Variants in VIRMA observed in about 807,000 individuals in gnomAD.
VIRMA encodes protein virilizer homolog.
VIRMA carries 65 observed loss-of-function variants against 182.4 expected under a neutral mutation model. That is an observed-to-expected ratio of 0.36 (90% CI 0.29 to 0.44). The LOEUF (loss-of-function observed/expected upper bound fraction) is 0.44, where lower values mean the gene tolerates loss of function less well. VIRMA is among the 20% of genes least tolerant of loss of function. The pLI, the probability that VIRMA is intolerant of heterozygous loss-of-function variation, is 1.00. For synonymous variants in VIRMA, 709 were observed against 743.1 expected, an observed-to-expected ratio of 0.95 and a Z score of 0.75; for missense variants, 1,752 against 2,158.1, an observed-to-expected ratio of 0.81 and a Z score of 3.73.
Position 94,506,736 on chromosome 8 carries a change from A to AC in VIRMA, c.3880-20_3880-19insG. 6.5e-7 allele frequency: 1 copy of AC among 1,547,156 alleles called. No homozygotes were observed. Among genetic ancestry groups the AC allele is most frequent in the Non-Finnish European group, 8.8e-7 (1 of 1,132,198 alleles). ...CAATGTCCTGTGGGGAGCAGGGAAA[A>AC]AAAAATCGATTTTTTAAATAATTAT... On this transcript the variant is annotated intron_variant, in intron 15 of 23. Transcript: ENST00000297591.
At position 94,489,922 on chromosome 8, in the gene VIRMA, G is replaced by A; in HGVS notation, c.5284+17C>T. ...ACTTCCCTTCTCTCAGCAATATCAA[G>A]TAGCAAGGATGTATACCTGTAGAAC... On this transcript the variant is annotated intron_variant, in intron 23 of 23. Coordinates refer to ENST00000297591, the MANE Select transcript of VIRMA (RefSeq NM_015496.5). 1 of 1,608,342 alleles carries A rather than the reference G, an allele frequency of 6.2e-7. No individual in the cohort carries two copies. Among genetic ancestry groups the A allele is most frequent in the Non-Finnish European group, 8.5e-7 (1 of 1,177,998 alleles).
At position 94,543,940 on chromosome 8, in the gene VIRMA, T is replaced by C. The variant is rs149566520; in HGVS notation, c.66A>G (p.Gln22=). ...LDTFKHPSAE[Q]SSHIDVVRFP... ...AACGAACCACATCTATATGAGAACT[T>C]TGCTGTAACAAAAAAAAAGCCGGAG... Residue 22 remains glutamine (Q), a splice_region_variant and synonymous_variant, in exon 2 of 24, where the codon CAA becomes CAG. Coordinates refer to ENST00000297591, the MANE Select transcript of VIRMA (RefSeq NM_015496.5). 1.9e-6 allele frequency: 3 copies of C among 1,580,282 alleles called. No individual in the cohort carries two copies. Among genetic ancestry groups the C allele is most frequent in the Non-Finnish European group, 2.6e-6 (3 of 1,154,696 alleles).
In VIRMA at chr8:94,537,273, T is replaced by C. The variant is rs1815378231; in HGVS notation, c.267-122A>G. ...ATGCTAGATTTTTGTTTTGATTCAA[T>C]AAACCACAAAGTTTGAGTTTAATGT... On this transcript the variant is annotated intron_variant, in intron 3 of 23. Transcript: ENST00000297591. The C allele has an allele frequency of 1.1e-5, 8 of 711,362 alleles. No individual in the cohort carries two copies. In the South Asian group the frequency reaches 1.1e-4, roughly 10 times the overall value. 44.1% of individuals were successfully genotyped at this position (711,362 alleles called of 1,614,324 possible). A position where few individuals can be genotyped will look rare whatever the true frequency, so the allele number is the denominator to read the frequency against.
chr8:94,553,259 G>A (rs913177926), intron 1 of VIRMA, 126 bp downstream of exon 1: 21 of 912,390 alleles, frequency 2.3e-5, no homozygotes, highest in Admixed American at 5.5e-5. Context: ...TCGGGGGAGG[G>A]TGTCTGTGTG....
intron 9 of VIRMA, among the ~76,000 whole-genome samples, chr8:94,518,468 T>C (rs1237752353): frequency 6.6e-6 from 1 of 152,234 alleles, no homozygotes; most frequent in Non-Finnish European, 1.5e-5. Flanking sequence ...GTTATCTGGA[T>C]GCCATTTGCC....
chr8:94,541,113 T>C (rs960314365), intron 2 of VIRMA, among the ~76,000 whole-genome samples: 4 of 150,856 alleles, frequency 2.7e-5, no homozygotes, highest in African/African-American at 7.4e-5. Context: ...GGAATTATAA[T>C]TATTATTGTT....
chr8:94,508,567 C>CA (rs1403681826), intron 15 of VIRMA, among the ~76,000 whole-genome samples: 1 of 152,014 alleles, frequency 6.6e-6, no homozygotes, highest in Non-Finnish European at 1.5e-5. Flanking sequence ...TAGGATGCCA[C>CA]AGCGCTATTC....
intron 10 of VIRMA, among the ~76,000 whole-genome samples, chr8:94,517,317 C>T (rs943843877): frequency 6.6e-6 from 1 of 152,206 alleles, no homozygotes; most frequent in Non-Finnish European, 1.5e-5. Context: ...ATTCTCTTGC[C>T]TCAGCCTCCC....
At chr8:94,492,048 G>A in intron 21 of VIRMA, 139 bp from the exon 22 acceptor site, 5 of 573,506 alleles carry the variant, frequency 8.7e-6, no homozygotes, top group South Asian at 6.7e-5. Flanking sequence ...CATACTTCTG[G>A]GATAATATAA....
intron 2 of VIRMA, among the ~76,000 whole-genome samples, chr8:94,540,461 CTTTTTTTTT>C (rs963429701): frequency 7.8e-6 from 1 of 128,632 alleles, no homozygotes; most frequent in Non-Finnish European, 1.7e-5. Flanking sequence ...TTCTTCTTTT[CTTTTTTTTT>C]TTTTTTTTTT....
chr8:94,532,912 G>A (rs1815220773), intron 5 of VIRMA, among the ~76,000 whole-genome samples: 1 of 152,034 alleles, frequency 6.6e-6, no homozygotes, highest in Non-Finnish European at 1.5e-5. Context: ...AGTGAGCTAT[G>A]ATCAGGCCAC....
chr8:94,502,921 T>A (rs1431436253), intron 16 of VIRMA, among the ~76,000 whole-genome samples: 1 of 152,050 alleles, frequency 6.6e-6, no homozygotes, highest in East Asian at 1.9e-4. Flanking sequence ...AGATCCCTAG[T>A]GGCCAGAGTT....
chr8:94,542,763 T>G (rs561876952), intron 2 of VIRMA, among the ~76,000 whole-genome samples: 2 of 152,308 alleles, frequency 1.3e-5, no homozygotes, highest in South Asian at 4.1e-4. Context: ...TAAAGATCTT[T>G]CTTGTGTATC....
At chr8:94,541,945 T>C (rs1253994279) in intron 2 of VIRMA, among the ~76,000 whole-genome samples, 2 of 152,238 alleles carry the variant, frequency 1.3e-5, no homozygotes, top group Non-Finnish European at 2.9e-5. Context: ...TTAGAGTTAT[T>C]ACAACATGAA....
chr8:94,518,850 A>T, intron 9 of VIRMA, 135 bp downstream of exon 9: 1 of 812,120 alleles, frequency 1.2e-6, no homozygotes, highest in Non-Finnish European at 1.9e-6. Context: ...TCTAACCTTT[A>T]ATTAACAAGT....
At chr8:94,525,570 A>C (rs1049395148) in intron 8 of VIRMA, among the ~76,000 whole-genome samples, 1 of 152,276 alleles carries the variant, frequency 6.6e-6, no homozygotes, top group African/African-American at 2.4e-5. Flanking sequence ...GCTCCATCCA[A>C]ATCAATGAAA....
At chr8:94,515,486 T>G (rs147686835) in intron 10 of VIRMA, among the ~76,000 whole-genome samples, 1 of 151,942 alleles carries the variant, frequency 6.6e-6, no homozygotes, top group East Asian at 1.9e-4. Context: ...ATCCTCCTGC[T>G]TCAACCTCCA....
intron 15 of VIRMA, among the ~76,000 whole-genome samples, chr8:94,507,975 A>G (rs369957416): frequency 0.056 from 6,214 of 111,872 alleles, 144 homozygotes; most frequent in Middle Eastern, 0.066. Context: ...ATGTGTATAT[A>G]TGTATATATG....
At chr8:94,548,095 A>C (rs118060083) in intron 1 of VIRMA, among the ~76,000 whole-genome samples, 6,120 of 150,906 alleles carry the variant, frequency 0.041, 233 homozygotes, top group Middle Eastern at 0.051. Context: ...AAAGGATATT[A>C]TATAGAATAT....
Sources: gnomAD v4.1 joint callset for allele counts (sites outside exome capture counted in the v4.1 genomes callset) on GRCh38, gnomAD v4.1.1 for gene constraint, MANE v1.5 for transcripts, NCBI Gene and HGNC (gene_info 2026-07-23, HGNC 2026-07-21) for gene names.